Variants in RCAN3 observed in about 807,000 individuals in gnomAD.
The protein encoded by RCAN3 is calcipressin-3.
Under a neutral mutation model 21.9 loss-of-function variants are expected in RCAN3, and 19 were observed. The ratio of observed to expected loss-of-function variants is 0.87; its 90% CI spans 0.61 to 1.27. The LOEUF (loss-of-function observed/expected upper bound fraction) is 1.27, where lower values mean the gene tolerates loss of function less well. Ranked by LOEUF, RCAN3 falls within the 50% of genes most tolerant of loss-of-function variation. The pLI is 0.00. For missense variants in RCAN3, 240 were observed against 300.1 expected, an observed-to-expected ratio of 0.80 and a Z score of 1.48; for synonymous variants, 114 against 112.3, an observed-to-expected ratio of 1.01 and a Z score of -0.09.
At chr1:24,518,154 A>G (rs980993166) in intron 2 of RCAN3, among the ~76,000 whole-genome samples, 29 of 152,102 alleles carry the variant, frequency 1.9e-4, no homozygotes, top group African/African-American at 7.0e-4. Context: ...GCAAGACCCC[A>G]TCTCTATAAA....
rs1368504170 is a variant in RCAN3, at chr1:24,531,324, C to G, written c.302C>G (p.Ala101Gly). ...AATTTCAGCAAACCTGAAGCGGCAG[C>G]AAGAGCGCGAATAGAACTCCACGAA... ...RINFSKPEAAARARIELHETD... is the reference protein window; with the variant it reads ...RINFSKPEAAGRARIELHETD... The change falls in exon 3 of 5, where the codon GCA (alanine) becomes GGA (glycine). Residue 101 changes from alanine to glycine, a missense_variant. By Grantham distance (60) the Ala-to-Gly change is moderately conservative (BLOSUM62 0). Coordinates refer to ENST00000374395, the MANE Select transcript of RCAN3 (RefSeq NM_013441.4). The G allele has an allele frequency of 6.2e-7, 1 of 1,613,828 alleles. No homozygotes were observed. Among genetic ancestry groups the G allele is most frequent in the Non-Finnish European group, 8.5e-7 (1 of 1,179,852 alleles).
chr1:24,515,338 C>G (rs766112512), intron 2 of RCAN3, among the ~76,000 whole-genome samples: 3 of 151,678 alleles, frequency 2.0e-5, no homozygotes, highest in African/African-American at 7.3e-5. Context: ...GTTCACGTTT[C>G]TTGTATTAGT....
chr1:24,511,052 G>A (rs1274835439), intron 1 of RCAN3, among the ~76,000 whole-genome samples: 3 of 152,144 alleles, frequency 2.0e-5, no homozygotes, highest in African/African-American at 4.8e-5. Context: ...GGTGGCTCAC[G>A]CTTGTAATCC....
At chr1:24,520,576 G>A (rs958298425) in intron 2 of RCAN3, among the ~76,000 whole-genome samples, 5 of 150,562 alleles carry the variant, frequency 3.3e-5, no homozygotes, top group East Asian at 1.9e-4. Context: ...GCAAACTATC[G>A]CAAGGACAAA....
chr1:24,529,991 C>T (rs1200084464), intron 2 of RCAN3, among the ~76,000 whole-genome samples: 1 of 138,808 alleles, frequency 7.2e-6, no homozygotes, highest in Non-Finnish European at 1.6e-5. Context: ...ATAGCAAGAC[C>T]CCATCTCAAA....
intron 2 of RCAN3, 71 bp from the exon 3 acceptor site, chr1:24,531,147 C>A: frequency 9.4e-7 from 1 of 1,065,758 alleles, no homozygotes; most frequent in Non-Finnish European, 1.3e-6. Flanking sequence ...TTTAAATTTC[C>A]CCTTCTGTTA....
Position 24,535,085 on chromosome 1 carries a change from C to T in RCAN3, c.542-8C>T, listed in dbSNP as rs1557581490. 6.3e-7 allele frequency: 1 copy of T among 1,593,384 alleles called. No homozygotes were observed. ...CTTTTGTCATGGTTATTTTGTTTGC[C>T]TCTGCAGGAGAGAAATATGAACTTC... On this transcript the variant is annotated splice_region_variant and splice_polypyrimidine_tract_variant and intron_variant, in intron 4 of 4. Coordinates refer to ENST00000374395, the MANE Select transcript of RCAN3 (RefSeq NM_013441.4).
At position 24,538,804 on chromosome 1, in the gene RCAN3, G is replaced by C. The variant is rs1384203585; in HGVS notation, c.*3527G>C. 1 of 151,998 alleles carries C rather than the reference G, an allele frequency of 6.6e-6. No homozygotes were observed. The highest frequency in any genetic ancestry group is 2.4e-5 in the African/African-American group (1 of 41,376). The allele number at this position is 151,998 out of a possible 1,614,324, so 9.4% of individuals were successfully genotyped here. On this transcript the variant is annotated 3_prime_UTR_variant, in exon 5 of 5. Coordinates refer to ENST00000374395, the MANE Select transcript of RCAN3 (RefSeq NM_013441.4). ...GAAGTGCAGTACTTTTATTCTTTAA[G>C]AATATAGTCTTTAGCCAGGTGCAGT...
intron 2 of RCAN3, among the ~76,000 whole-genome samples, chr1:24,521,730 C>G (rs1468472571): frequency 6.6e-6 from 1 of 152,108 alleles, no homozygotes; most frequent in Non-Finnish European, 1.5e-5. Context: ...CGCCTGTAGT[C>G]CCAGCTACTC....
intron 2 of RCAN3, among the ~76,000 whole-genome samples, chr1:24,523,017 A>G (rs9424382): frequency 0.07 from 10,548 of 151,728 alleles, 1,167 homozygotes; most frequent in African/African-American, 0.23. Context: ...GTGGTCAAAT[A>G]TCAGCATTTC....
chr1:24,540,722 T>G lies in RCAN3; in HGVS notation c.*5445T>G, dbSNP rs1650447270. 1 of 152,248 alleles carries G rather than the reference T, an allele frequency of 6.6e-6. No individual in the cohort carries two copies. The highest frequency in any genetic ancestry group is 6.5e-5 in the Admixed American group (1 of 15,282). 9.4% of individuals were successfully genotyped at this position (152,248 alleles called of 1,614,324 possible). A position where few individuals can be genotyped will look rare whatever the true frequency, so the allele number is the denominator to read the frequency against. ...TTATTATTTTCTCCGAACGTGTTTG[T>G]GATCTTCTGTTATATTTTGGGGCAT... On this transcript the variant is annotated 3_prime_UTR_variant, in exon 5 of 5. Transcript: ENST00000374395.
At chr1:24,521,854 A>G (rs1648842079) in intron 2 of RCAN3, among the ~76,000 whole-genome samples, 1 of 151,876 alleles carries the variant, frequency 6.6e-6, no homozygotes, top group Non-Finnish European at 1.5e-5. Context: ...TCTCAAAAAC[A>G]AACAAACAAA....
rs1647203632 is a variant in RCAN3 at position 24,502,950 on chromosome 1, G to GGCT, written c.-251_-249dup. Reference sequence around the variant, plus strand: ...GCCGGCGTCGAGGGCGTGGCGGCGAGGCTGCTGCTGCAGGCGGCTCCCGGC... The same window carrying GGCT: ...GCCGGCGTCGAGGGCGTGGCGGCGAGGCTGCTGCTGCTGCAGGCGGCTCCCGGC... On this transcript the variant is annotated 5_prime_UTR_variant, in exon 1 of 5. Coordinates refer to ENST00000374395, the MANE Select transcript of RCAN3 (RefSeq NM_013441.4). 1 of 149,958 alleles carries GGCT rather than the reference G, an allele frequency of 6.7e-6. No homozygotes were observed. Among genetic ancestry groups the GGCT allele is most frequent in the Admixed American group, 6.6e-5 (1 of 15,116 alleles). The allele number at this position is 149,958 out of a possible 1,614,324, so 9.3% of individuals were successfully genotyped here. A position where few individuals can be genotyped will look rare whatever the true frequency, so the allele number is the denominator to read the frequency against.
upstream of RCAN3, among the ~76,000 whole-genome samples, chr1:24,502,630 T>C (rs184635435): frequency 4.6e-5 from 7 of 152,000 alleles, no homozygotes; most frequent in East Asian, 1.4e-3. Context: ...AGAGGTCCTG[T>C]TTTCGGGGTG....
In RCAN3 at chr1:24,525,804, C is replaced by T. The variant is rs1447363171; in HGVS notation, c.196-5414C>T. ...TTCTAAATCCCTTTCGTGCTAATGCCGGGTTATCAGGGGCAGCCTCAGGAA... is the reference window on the plus strand; with the variant it reads ...TTCTAAATCCCTTTCGTGCTAATGCTGGGTTATCAGGGGCAGCCTCAGGAA... On this transcript the variant is annotated intron_variant, in intron 2 of 4. Transcript: ENST00000374395. This position sits in a 1 kb window ranked among gnomAD's most constrained non-coding sequence, Gnocchi z 4.1. Among the ~76,000 whole-genome samples the T allele has an allele frequency of 6.6e-6, 1 of 152,200 alleles. No homozygotes were observed. The highest frequency in any genetic ancestry group is 1.9e-4 in the East Asian group (1 of 5,182).
chr1:24,530,543 A>G (rs1195207145), intron 2 of RCAN3, among the ~76,000 whole-genome samples: 2 of 152,090 alleles, frequency 1.3e-5, no homozygotes, highest in East Asian at 1.9e-4. Context: ...AGAAATGACA[A>G]CTTTGAAGGA....
Position 24,503,087 on chromosome 1 carries a change from G to A in RCAN3, c.-123G>A, listed in dbSNP as rs1409546552. Reference sequence around the variant, plus strand: ...GCCCGGGCCCGTCCGCTGCCCTCCCGGCTCCCGTCCTGCGGCGGCGGGGCG... The same window carrying A: ...GCCCGGGCCCGTCCGCTGCCCTCCCAGCTCCCGTCCTGCGGCGGCGGGGCG... On this transcript the variant is annotated 5_prime_UTR_variant, in exon 1 of 5. Coordinates refer to ENST00000374395, the MANE Select transcript of RCAN3 (RefSeq NM_013441.4). 3 of 149,468 alleles carry A rather than the reference G, an allele frequency of 2.0e-5. No homozygotes were observed. Among genetic ancestry groups the A allele is most frequent in the African/African-American group, 7.3e-5 (3 of 41,060 alleles). The allele number at this position is 149,468 out of a possible 1,614,324, so 9.3% of individuals were successfully genotyped here.
chr1:24,524,296 C>T (rs968341778), intron 2 of RCAN3, among the ~76,000 whole-genome samples: 1 of 152,084 alleles, frequency 6.6e-6, no homozygotes, highest in Non-Finnish European at 1.5e-5. Flanking sequence ...CATAAAAATC[C>T]ATCTTGAATA....
chr1:24,535,344 C>G lies in RCAN3; in HGVS notation c.*67C>G. On this transcript the variant is annotated 3_prime_UTR_variant, in exon 5 of 5. Coordinates refer to ENST00000374395, the MANE Select transcript of RCAN3 (RefSeq NM_013441.4). ...TGGCCATGGCGCTCTGTGCCTGCGGCCGATGCGTTGCTGCGAACAGCATAG... is the reference window on the plus strand; with the variant it reads ...TGGCCATGGCGCTCTGTGCCTGCGGGCGATGCGTTGCTGCGAACAGCATAG... 1 of 1,472,686 alleles carries G rather than the reference C, an allele frequency of 6.8e-7. No homozygotes were observed. The highest frequency in any genetic ancestry group is 9.0e-7 in the Non-Finnish European group (1 of 1,114,032). 91.2% of individuals were successfully genotyped at this position (1,472,686 alleles called of 1,614,324 possible).
Sources: gnomAD v4.1 joint callset for allele counts (sites outside exome capture counted in the v4.1 genomes callset) on GRCh38, gnomAD v4.1.1 for gene constraint, Gnocchi (gnomAD v3.1) non-coding constraint, MANE v1.5 for transcripts, NCBI Gene and HGNC (gene_info 2026-07-23, HGNC 2026-07-21) for gene names.